Variants in TNR observed in about 807,000 individuals in gnomAD.
TNR encodes tenascin R.
In TNR, 45 loss-of-function variants were observed where a neutral mutation model predicts 150.4. The observed-to-expected ratio is 0.30, with a 90% confidence interval of 0.24 to 0.38. The LOEUF (loss-of-function observed/expected upper bound fraction) is 0.38, where lower values mean the gene tolerates loss of function less well. Ranked by LOEUF, TNR falls within the 10% of genes least tolerant of loss-of-function variation. TNR has a pLI of 1.00. For missense variants in TNR, 1,544 were observed against 1,759.1 expected (o/e 0.88, Z 2.19); for synonymous variants, 687 against 678.4 (o/e 1.01, Z -0.20).
At chr1:175,724,563 G>T (rs561625807) in intron 1 of TNR, among the ~76,000 whole-genome samples, 1 of 152,162 alleles carries the variant, frequency 6.6e-6, no homozygotes, top group Non-Finnish European at 1.5e-5. Context: ...CATATCAGGG[G>T]TGTTCTTCTT....
chr1:175,679,508 GT>G (rs1411194847), intron 1 of TNR, among the ~76,000 whole-genome samples: 1 of 152,226 alleles, frequency 6.6e-6, no homozygotes, highest in Non-Finnish European at 1.5e-5. Context: ...AAAATGTCTA[GT>G]ATGTGTCCAC....
intron 8 of TNR, among the ~76,000 whole-genome samples, chr1:175,382,275 G>A (rs1652716094): frequency 6.6e-6 from 1 of 152,190 alleles, no homozygotes; most frequent in Admixed American, 6.5e-5. Context: ...TGTTCGATAA[G>A]CACACATCAA....
intron 1 of TNR, among the ~76,000 whole-genome samples, chr1:175,718,437 A>G (rs1174770736): frequency 6.6e-6 from 1 of 152,202 alleles, no homozygotes; most frequent in Non-Finnish European, 1.5e-5. Flanking sequence ...CTGAAACCCC[A>G]GAGAGGAGCT....
chr1:175,591,992 C>T (rs534719880), intron 1 of TNR, among the ~76,000 whole-genome samples: 46 of 152,272 alleles, frequency 3.0e-4, no homozygotes, highest in African/African-American at 1.1e-3. Flanking sequence ...TGGTCACCTG[C>T]TTTCAATGTA....
chr1:175,330,436 T>A (rs1649681172), intron 20 of TNR: 1 of 477,182 alleles, frequency 2.1e-6, no homozygotes, highest in Admixed American at 3.7e-5. Context: ...ACAGTCCAGG[T>A]CTGCTGATGG....
chr1:175,398,173 G>A (rs759295583), intron 4 of TNR, among the ~76,000 whole-genome samples: 21 of 152,120 alleles, frequency 1.4e-4, no homozygotes, highest in Non-Finnish European at 2.8e-4. Context: ...CAAAGACAGA[G>A]ACACAAGGAG....
chr1:175,454,108 G>A (rs1244025000), intron 2 of TNR, among the ~76,000 whole-genome samples: 2 of 152,080 alleles, frequency 1.3e-5, no homozygotes, highest in Non-Finnish European at 2.9e-5. Flanking sequence ...TGTCTGTTGG[G>A]GTTGGTCTAG....
intron 1 of TNR, among the ~76,000 whole-genome samples, chr1:175,588,918 C>G (rs1256065857): frequency 6.6e-6 from 1 of 152,126 alleles, no homozygotes; most frequent in Non-Finnish European, 1.5e-5. Flanking sequence ...CCCAGTATGG[C>G]CAGTTCTTGT....
chr1:175,712,621 G>T (rs1667048692), intron 1 of TNR, among the ~76,000 whole-genome samples: 1 of 152,114 alleles, frequency 6.6e-6, no homozygotes, highest in Admixed American at 6.5e-5. Flanking sequence ...AATCATGAGA[G>T]CAGATCCCTC....
At chr1:175,696,767 T>A (rs940031117) in intron 1 of TNR, among the ~76,000 whole-genome samples, 3 of 151,592 alleles carry the variant, frequency 2.0e-5, no homozygotes, top group African/African-American at 7.3e-5. Flanking sequence ...TAATCCCAGC[T>A]ACTCAGGAGG....
In TNR at chr1:175,363,687, GA is replaced by G. The variant is rs543826452; in HGVS notation, c.2707+20del. The G allele has an allele frequency of 9.9e-6, 16 of 1,609,672 alleles. No homozygotes were observed. The African/African-American group carries it at 2.0e-4, about 20-fold the overall frequency. ...TTCACCCAAATCCTAGTATCTTTGA[GA>G]AATCAAATCACTTTGTTACCTTGGG... On this transcript the variant is annotated intron_variant, in intron 13 of 22. Transcript: ENST00000367674.
intron 1 of TNR, among the ~76,000 whole-genome samples, chr1:175,571,101 T>G (rs971256601): frequency 2.0e-5 from 3 of 152,186 alleles, no homozygotes; most frequent in African/African-American, 7.2e-5. Flanking sequence ...ACCTCAACCT[T>G]AAAGTTTCTT....
Position 175,689,352 on chromosome 1 carries a change from TAC to T in TNR, c.-165+53872_-165+53873del. On this transcript the variant is annotated intron_variant, in intron 1 of 22. Coordinates refer to ENST00000367674, the MANE Select transcript of TNR (RefSeq NM_003285.3). ...AGGGATACCAGGTAGCATGACCGAA[TAC>T]CTTAATCTACCCCAGGTTTTTTTCC... Among the ~76,000 whole-genome samples, 2 of 151,464 alleles carry T rather than the reference TAC, an allele frequency of 1.3e-5. 1 individual carries two copies. Among genetic ancestry groups the T allele is most frequent in the Middle Eastern group, 6.8e-3 (2 of 292 alleles).
intron 9 of TNR, among the ~76,000 whole-genome samples, chr1:175,377,151 T>C (rs1391581242): frequency 1.3e-5 from 2 of 152,070 alleles, no homozygotes; most frequent in Admixed American, 6.5e-5. Context: ...AGTTTCCTCA[T>C]CTGTAAAATG....
At chr1:175,612,802 T>C (rs113075408) in intron 1 of TNR, among the ~76,000 whole-genome samples, 2 of 152,350 alleles carry the variant, frequency 1.3e-5, no homozygotes, top group South Asian at 2.1e-4. Flanking sequence ...TCTGAAGATA[T>C]GTTGACTTTC....
chr1:175,371,674 A>G (rs1652112026), intron 9 of TNR, among the ~76,000 whole-genome samples: 1 of 152,200 alleles, frequency 6.6e-6, no homozygotes, highest in South Asian at 2.1e-4. Context: ...TTCACACGTT[A>G]TTTAATTTCC....
intron 21 of TNR, among the ~76,000 whole-genome samples, chr1:175,329,669 G>A (rs1280747170): frequency 6.6e-6 from 1 of 152,216 alleles, no homozygotes; most frequent in Admixed American, 6.5e-5. Context: ...TTTCTACCCA[G>A]ACAGTAGATG....
At chr1:175,699,190 C>G (rs1215495316) in intron 1 of TNR, among the ~76,000 whole-genome samples, 1 of 151,982 alleles carries the variant, frequency 6.6e-6, no homozygotes, top group Non-Finnish European at 1.5e-5. Flanking sequence ...AGGCTGACTT[C>G]AAGGTTTTGG....
chr1:175,635,303 C>CA (rs58857972), intron 1 of TNR, among the ~76,000 whole-genome samples: 3,501 of 152,280 alleles, frequency 0.023, 121 homozygotes, highest in African/African-American at 0.077. Context: ...TGTGTGCAAA[C>CA]AAAAGGTCTC....
Sources: gnomAD v4.1 joint callset for allele counts (sites outside exome capture counted in the v4.1 genomes callset) on GRCh38, gnomAD v4.1.1 for gene constraint, MANE v1.5 for transcripts, NCBI Gene and HGNC (gene_info 2026-07-23, HGNC 2026-07-21) for gene names.